The following JAKMIP3 variants were observed in gnomAD, a reference collection of about 807,000 sequenced individuals.
JAKMIP3 encodes janus kinase and microtubule-interacting protein 3.
JAKMIP3 carries 58 observed loss-of-function variants against 118.5 expected under a neutral mutation model. The ratio of observed to expected loss-of-function variants is 0.49; its 90% CI spans 0.40 to 0.61. The LOEUF (loss-of-function observed/expected upper bound fraction) is 0.61, where lower values mean the gene tolerates loss of function less well. Among genes scored for constraint, JAKMIP3 ranks in the 20% least tolerant of loss-of-function variants. JAKMIP3 has a pLI of 0.00. For synonymous variants in JAKMIP3, 486 were observed against 451.2 expected (o/e 1.08, Z -0.98); for missense variants, 950 against 1,109.0 (o/e 0.86, Z 2.04).
chr10:132,093,893 G>A (rs1032151202), intron 1 of JAKMIP3, among the ~76,000 whole-genome samples: 1 of 148,148 alleles, frequency 6.8e-6, no homozygotes, highest in African/African-American at 2.5e-5. Context: ...TTTTTTATTT[G>A]ATTTCACTGA....
intron 3 of JAKMIP3, among the ~76,000 whole-genome samples, chr10:132,123,497 A>G (rs1273235014): frequency 6.6e-6 from 1 of 151,916 alleles, no homozygotes; most frequent in Non-Finnish European, 1.5e-5. Context: ...AGTAATTAAA[A>G]CCCCATTCAA....
rs1251240223 is a variant in JAKMIP3, at chr10:132,049,331, C to T, written c.-138+12593C>T. ...CTGGGAGTGCTGCCCTCCTCCTCAC[C>T]TTCCACTTCCTCCTCTTTCTTGCTG... is the stretch of plus-strand genomic sequence containing the variant. On this transcript the variant is annotated intron_variant, in intron 1 of 23. Transcript: ENST00000657785. This position sits in a 1 kb window ranked among gnomAD's most constrained non-coding sequence, Gnocchi z 4.3. 6.6e-6 allele frequency among the ~76,000 whole-genome samples: 1 copy of T among 152,146 alleles called. No homozygotes were observed. Among genetic ancestry groups the T allele is most frequent in the South Asian group, 2.1e-4 (1 of 4,828 alleles).
chr10:132,158,049 G>A (rs913623802), intron 19 of JAKMIP3, among the ~76,000 whole-genome samples: 1 of 150,812 alleles, frequency 6.6e-6, no homozygotes, highest in East Asian at 1.9e-4. Flanking sequence ...GGAAATTTAT[G>A]CACCTCCAGG....
At chr10:132,140,042 T>A (rs1047254142) in intron 9 of JAKMIP3, among the ~76,000 whole-genome samples, 22 of 152,284 alleles carry the variant, frequency 1.4e-4, no homozygotes, top group African/African-American at 5.3e-4. Flanking sequence ...TTTGTTTGTA[T>A]TCCAATCAGT....
chr10:132,168,269 C>G lies in JAKMIP3; in HGVS notation c.*339C>G. ...GGGATGTGTAGCATTCCCTGCCAAGCAGGGGTGAGAACTGCTTCTGTGCAG... is the reference window on the plus strand; with the variant it reads ...GGGATGTGTAGCATTCCCTGCCAAGGAGGGGTGAGAACTGCTTCTGTGCAG... On this transcript the variant is annotated 3_prime_UTR_variant, in exon 23 of 24. Transcript: ENST00000684848. 2 of 1,289,378 alleles carry G rather than the reference C, an allele frequency of 1.6e-6. No homozygotes were observed. The highest frequency in any genetic ancestry group is 1.2e-5 in the South Asian group (1 of 81,006). 79.9% of individuals were successfully genotyped at this position (1,289,378 alleles called of 1,614,324 possible).
rs776567704 is a variant in JAKMIP3 at position 132,117,505 on chromosome 10, C to G, written c.564C>G (p.Ser188Arg). The change falls in exon 3 of 24, where the codon AGC (serine) becomes AGG (arginine). Residue 188 changes from serine to arginine, a missense_variant. Physicochemically the swap from Ser to Arg is moderately radical, Grantham distance 110 (BLOSUM62 -1). Transcript: ENST00000684848. The surrounding 1 kb of genome is among the most constrained non-coding windows in gnomAD (Gnocchi z 8.6). ...AGATCAAGGCCGCAGAGATCCGCAG[C>G]GTGTACCACCTGCACCAGGAGGAGA... The part of the protein sequence containing the change: ...ADKIKAAEIR[S>R]VYHLHQEEIT... 1 of 1,609,296 alleles carries G rather than the reference C, an allele frequency of 6.2e-7. No homozygotes were observed.
rs1349846652 is a variant in JAKMIP3 at position 132,180,614 on chromosome 10, T to TGC, written c.*1104-1741_*1104-1740dup. Among the ~76,000 whole-genome samples, 37 of 31,024 alleles carry TGC rather than the reference T, an allele frequency of 1.2e-3. 3 individuals are homozygous for TGC. Among genetic ancestry groups the TGC allele is most frequent in the African/African-American group, 5.3e-3 (33 of 6,252 alleles). The allele number at this position is 31,024 out of a possible 152,430, so 20.4% of individuals were successfully genotyped here. On this transcript the variant is annotated intron_variant, in intron 23 of 23. Coordinates refer to ENST00000684848, the MANE Select transcript of JAKMIP3 (RefSeq NM_001323087.2). The stretch of plus-strand genomic sequence containing the variant: ...GTGTGTGTGCGTGCGCGTGTGTGTG[T>TGC]GCGTGTGTGTGCGTGTGTGCGTGCG...
chr10:132,061,410 A>G (rs772109471), upstream of JAKMIP3, among the ~76,000 whole-genome samples: 3 of 152,264 alleles, frequency 2.0e-5, no homozygotes, highest in Non-Finnish European at 4.4e-5. Context: ...TAAATGGAGA[A>G]CTAGCCTACG....
intron 2 of JAKMIP3, among the ~76,000 whole-genome samples, chr10:132,114,310 G>A (rs2047306614): frequency 6.6e-6 from 1 of 152,208 alleles, no homozygotes; most frequent in Admixed American, 6.5e-5. Context: ...CTACCCCCCG[G>A]CTCAAGCAAT....
Position 132,163,599 on chromosome 10 carries a change from C to T in JAKMIP3, c.2424+187C>T, listed in dbSNP as rs538281855. Among the ~76,000 whole-genome samples the T allele has an allele frequency of 1.4e-4, 21 of 152,090 alleles. No homozygotes were observed. The East Asian group carries it at 1.8e-3, about 13-fold the overall frequency. ...TGATGGCCATGCCCCCAAACCGTCA[C>T]GCCTTCCACACAGAGCCTTGGATGG... is the stretch of plus-strand genomic sequence containing the variant. On this transcript the variant is annotated intron_variant, in intron 20 of 23. Coordinates refer to ENST00000684848, the MANE Select transcript of JAKMIP3 (RefSeq NM_001323087.2).
intron 6 of JAKMIP3, 93 bp from the exon 7 acceptor site, chr10:132,136,926 C>T (rs926076278): frequency 1.9e-5 from 27 of 1,414,570 alleles, no homozygotes; most frequent in Middle Eastern, 2.3e-4. Context: ...AGTGGCAGCC[C>T]GGGTTGAGGG....
At chr10:132,114,984 G>A (rs2047405768) in intron 2 of JAKMIP3, among the ~76,000 whole-genome samples, 2 of 152,192 alleles carry the variant, frequency 1.3e-5, no homozygotes, top group South Asian at 4.1e-4. Context: ...TTCAACCAAT[G>A]TAATGAATAC....
chr10:132,121,476 C>T (rs536528809), intron 3 of JAKMIP3, among the ~76,000 whole-genome samples: 11 of 152,302 alleles, frequency 7.2e-5, no homozygotes, highest in Admixed American at 2.6e-4. Context: ...TGGTGTGGGA[C>T]GCTCGGCCTC....
intron 23 of JAKMIP3, among the ~76,000 whole-genome samples, chr10:132,181,778 C>A (rs908725360): frequency 1.2e-4 from 18 of 151,930 alleles, no homozygotes; most frequent in African/African-American, 4.4e-4. Flanking sequence ...GGTGTCTCTA[C>A]GGCCGGGCCC....
intron 3 of JAKMIP3, among the ~76,000 whole-genome samples, chr10:132,120,274 C>A (rs1381961649): frequency 1.3e-5 from 2 of 152,234 alleles, no homozygotes; most frequent in Non-Finnish European, 2.9e-5. Flanking sequence ...CCTGCCCCAC[C>A]ACCAACATCC....
chr10:132,117,952 C>T lies in JAKMIP3; in HGVS notation c.633+378C>T, dbSNP rs1007694355. Among the ~76,000 whole-genome samples, 9 of 152,170 alleles carry T rather than the reference C, an allele frequency of 5.9e-5. No individual in the cohort carries two copies. The highest frequency in any genetic ancestry group is 2.1e-4 in the South Asian group (1 of 4,824). On this transcript the variant is annotated intron_variant, in intron 3 of 23. Coordinates refer to ENST00000684848, the MANE Select transcript of JAKMIP3 (RefSeq NM_001323087.2). This position sits in a 1 kb window ranked among gnomAD's most constrained non-coding sequence, Gnocchi z 8.6. ...TCACGGACATCTCTTCTTAGTGTCC[C>T]GGGTCACACCTGACACCAGGCAGGG...
At chr10:132,153,351 A>G (rs1025000827) in intron 17 of JAKMIP3, among the ~76,000 whole-genome samples, 3 of 152,026 alleles carry the variant, frequency 2.0e-5, no homozygotes, top group Non-Finnish European at 4.4e-5. Context: ...CCAGCCCACT[A>G]CCTGCTCCTA....
At chr10:132,135,439 G>A (rs552111550) in intron 5 of JAKMIP3, among the ~76,000 whole-genome samples, 3 of 152,196 alleles carry the variant, frequency 2.0e-5, no homozygotes, top group Admixed American at 6.5e-5. Flanking sequence ...GTGCAGACGC[G>A]GCCTCTCAGT....
At chr10:132,073,340 C>A (rs536087039) in intron 1 of JAKMIP3, among the ~76,000 whole-genome samples, 1 of 152,086 alleles carries the variant, frequency 6.6e-6, no homozygotes, top group Non-Finnish European at 1.5e-5. Flanking sequence ...CGCCTGCCAC[C>A]GGGCCTGGCT....
Sources: allele counts gnomAD v4.1 joint callset (sites outside exome capture counted in the v4.1 genomes callset), GRCh38; gene constraint gnomAD v4.1.1; non-coding constraint Gnocchi (gnomAD v3.1); transcripts MANE v1.5; gene names NCBI Gene and HGNC (gene_info 2026-07-23, HGNC 2026-07-21).